Variants in VEZT observed in about 807,000 individuals in gnomAD.
VEZT encodes vezatin, adherens junctions transmembrane protein, also known as vezatin.
Under a neutral mutation model 79.9 loss-of-function variants are expected in VEZT, and 39 were observed. The observed-to-expected ratio is 0.49, with a 90% CI of 0.38 to 0.64. VEZT has a LOEUF of 0.64. Among genes scored for constraint, VEZT ranks in the 30% least tolerant of loss-of-function variants. The pLI is 0.00. For synonymous variants in VEZT, 325 were observed against 327.6 expected, an observed-to-expected ratio of 0.99 and a Z score of 0.09; for missense variants, 837 against 893.1, an observed-to-expected ratio of 0.94 and a Z score of 0.80.
At chr12:95,239,979 AGAGG>A (rs1471043646) in intron 1 of VEZT, among the ~76,000 whole-genome samples, 2 of 145,572 alleles carry the variant, frequency 1.4e-5, no homozygotes, top group African/African-American at 5.1e-5. Flanking sequence ...AGAGAGAGAG[AGAGG>A]AGAGAGAGAG....
intron 1 of VEZT, among the ~76,000 whole-genome samples, chr12:95,231,010 A>G (rs917011692): frequency 9.2e-5 from 14 of 152,138 alleles, no homozygotes; most frequent in African/African-American, 3.4e-4. Flanking sequence ...ATTTTTATTT[A>G]GATTTTGGAC....
chr12:95,239,210 G>A (rs2060571275), intron 1 of VEZT, among the ~76,000 whole-genome samples: 1 of 152,128 alleles, frequency 6.6e-6, no homozygotes, highest in Non-Finnish European at 1.5e-5. Context: ...TATAAAAGTA[G>A]CAAGGCAGTA....
Position 95,217,833 on chromosome 12 carries a change from G to C in VEZT, c.-18G>C. ...TTCATTTCCCATCGTGCTGAGGCGG[G>C]TGGCATGGCGGAGAAGGATGACACC... On this transcript the variant is annotated 5_prime_UTR_variant, in exon 1 of 12. Transcript: ENST00000436874. The C allele has an allele frequency of 6.5e-7, 1 of 1,545,448 alleles. No individual in the cohort carries two copies. The highest frequency in any genetic ancestry group is 1.4e-5 in the African/African-American group (1 of 69,772).
intron 1 of VEZT, among the ~76,000 whole-genome samples, chr12:95,225,595 C>A (rs567633416): frequency 6.6e-6 from 1 of 151,684 alleles, no homozygotes; most frequent in South Asian, 2.1e-4. Context: ...CAAAAGCCAT[C>A]ACCACATCTG....
At chr12:95,275,799 A>G (rs906220953) in intron 7 of VEZT, 1 of 152,190 alleles carries the variant, frequency 6.6e-6, no homozygotes, top group East Asian at 1.9e-4. Flanking sequence ...GTATTTTACA[A>G]CGAATTGATC....
chr12:95,264,089 T>C (rs891474982), intron 4 of VEZT, among the ~76,000 whole-genome samples: 1 of 152,258 alleles, frequency 6.6e-6, no homozygotes, highest in Non-Finnish European at 1.5e-5. Context: ...GTTCAAGTTA[T>C]ATAGGCAGTT....
At chr12:95,255,495 G>A (rs1434185449) in intron 2 of VEZT, among the ~76,000 whole-genome samples, 2 of 152,168 alleles carry the variant, frequency 1.3e-5, no homozygotes, top group Non-Finnish European at 2.9e-5. Flanking sequence ...GCAGTGGTGC[G>A]ATCTCAGCTC....
In VEZT at chr12:95,233,828, T is replaced by A. The variant is rs183357130; in HGVS notation, c.36+15942T>A. Among the ~76,000 whole-genome samples the A allele has an allele frequency of 3.9e-4, 60 of 152,356 alleles. No individual in the cohort carries two copies. In the East Asian group the frequency reaches 0.01, roughly 26 times the overall value. On this transcript the variant is annotated intron_variant, in intron 1 of 11. Transcript: ENST00000436874. The stretch of plus-strand genomic sequence containing the variant: ...GTATAATTCCATTTTGTGGGTTTTT[T>A]AAAACACAAATGGGGTTTTTAAATG...
intron 3 of VEZT, chr12:95,258,185 G>C (rs1332666012): frequency 6.7e-6 from 3 of 449,398 alleles, no homozygotes; most frequent in Non-Finnish European, 1.3e-5. Context: ...TTTGTTGAAG[G>C]TGTATTGAGA....
chr12:95,286,330 CA>C (rs1256929383), intron 8 of VEZT: 3 of 432,706 alleles, frequency 6.9e-6, no homozygotes, highest in African/African-American at 4.1e-5. Flanking sequence ...ACAAGAATAC[CA>C]AGTTAGTCTT....
intron 9 of VEZT, among the ~76,000 whole-genome samples, chr12:95,289,107 A>C (rs920301856): frequency 2.7e-5 from 4 of 147,618 alleles, no homozygotes; most frequent in African/African-American, 9.8e-5. Flanking sequence ...TAAATAAATA[A>C]ATAAATAAAT....
intron 1 of VEZT, among the ~76,000 whole-genome samples, chr12:95,227,297 A>G (rs1472013148): frequency 1.3e-5 from 2 of 150,388 alleles, no homozygotes; most frequent in African/African-American, 2.4e-5. Flanking sequence ...AGTAGCTGGG[A>G]CTACAGGCAT....
intron 10 of VEZT, among the ~76,000 whole-genome samples, chr12:95,295,532 C>T (rs1263520630): frequency 6.6e-6 from 1 of 152,174 alleles, no homozygotes; most frequent in African/African-American, 2.4e-5. Context: ...AATCCCAGGT[C>T]ATTTACCTGA....
chr12:95,229,971 A>G (rs994822107), intron 1 of VEZT, among the ~76,000 whole-genome samples: 1 of 152,046 alleles, frequency 6.6e-6, no homozygotes, highest in African/African-American at 2.4e-5. Context: ...CAAAAATTAC[A>G]GCTGGTGCCT....
At position 95,258,832 on chromosome 12, in the gene VEZT, G is replaced by T. The variant is rs750753488; in HGVS notation, c.258+1593G>T. 2.7e-4 allele frequency among the ~76,000 whole-genome samples: 41 copies of T among 152,108 alleles called. 1 individual carries two copies. The highest frequency in any genetic ancestry group is 5.4e-4 in the Non-Finnish European group (37 of 68,014). ...GATATCCAAAGTGATTAAGATCTTT[G>T]AAGAATACTGACAAATGAATAAGTT... On this transcript the variant is annotated intron_variant, in intron 3 of 11. Coordinates refer to ENST00000436874, the MANE Select transcript of VEZT (RefSeq NM_017599.4).
chr12:95,300,204 C>T lies in VEZT; in HGVS notation c.1871C>T (p.Pro624Leu). Residue 624 changes from proline (P) to leucine (L), a missense_variant, in exon 12 of 12, where the codon CCC (proline) becomes CTC (leucine). Physicochemically the swap from Pro to Leu is moderately conservative, Grantham distance 98 (BLOSUM62 -3). Transcript: ENST00000436874. Reference protein sequence around the residue: ...KSLSPVDPVEPISNSEPSMNS... With the variant: ...KSLSPVDPVELISNSEPSMNS... The stretch of plus-strand genomic sequence containing the variant: ...TTGTCTCCTGTAGACCCAGTGGAAC[C>T]CATAAGTAATTCAGAACCATCAATG... 12 of 1,552,998 alleles carry T rather than the reference C, an allele frequency of 7.7e-6. No homozygotes were observed. The highest frequency in any genetic ancestry group is 1.0e-5 in the Non-Finnish European group (12 of 1,148,602).
intron 8 of VEZT, among the ~76,000 whole-genome samples, chr12:95,283,726 T>C (rs548677589): frequency 2.0e-4 from 30 of 152,318 alleles, no homozygotes; most frequent in African/African-American, 6.5e-4. Flanking sequence ...TAAGGCTTGA[T>C]ATAAGGCTGA....
chr12:95,224,273 G>A (rs945599573), intron 1 of VEZT: 10 of 455,626 alleles, frequency 2.2e-5, no homozygotes, highest in Admixed American at 1.2e-4. Context: ...TTCCCTCTAC[G>A]GCTACTATTT....
At chr12:95,283,403 A>G (rs906679094) in intron 8 of VEZT, among the ~76,000 whole-genome samples, 1 of 152,150 alleles carries the variant, frequency 6.6e-6, no homozygotes, top group Admixed American at 6.5e-5. Flanking sequence ...GATCAAATGA[A>G]TGGTTGGGTT....
Sources: gnomAD v4.1 joint callset for allele counts (sites outside exome capture counted in the v4.1 genomes callset) on GRCh38, gnomAD v4.1.1 for gene constraint, MANE v1.5 for transcripts, NCBI Gene and HGNC (gene_info 2026-07-23, HGNC 2026-07-21) for gene names.